The following THEMIS variants were observed in gnomAD, a reference collection of about 807,000 sequenced individuals.
THEMIS encodes the protein thymocyte selection associated.
In THEMIS, 37 loss-of-function variants were observed where a neutral mutation model predicts 52.6. The observed-to-expected ratio is 0.70, with a 90% CI of 0.54 to 0.93. THEMIS has a LOEUF of 0.93. Ranked by LOEUF, THEMIS falls within the 40% of genes least tolerant of loss-of-function variation. The pLI is 0.00. For synonymous variants in THEMIS, 292 were observed against 272.7 expected, an observed-to-expected ratio of 1.07 and a Z score of -0.70; for missense variants, 808 against 763.1, an observed-to-expected ratio of 1.06 and a Z score of -0.69.
At chr6:127,861,783 C>CAAAAAAAAAAA (rs1225783673) in intron 1 of THEMIS, among the ~76,000 whole-genome samples, 15 of 95,688 alleles carry the variant, frequency 1.6e-4, no homozygotes, top group African/African-American at 4.0e-4. Context: ...GACTCCATCT[C>CAAAAAAAAAAA]AAAAAAAAAA....
chr6:127,895,611 C>G (rs985727047), intron 1 of THEMIS, among the ~76,000 whole-genome samples: 6 of 151,448 alleles, frequency 4.0e-5, no homozygotes, highest in Non-Finnish European at 7.4e-5. Context: ...TATAGAGACA[C>G]TTTTTTAAAC....
chr6:127,910,401 A>G (rs909836953), intron 1 of THEMIS, among the ~76,000 whole-genome samples: 1 of 152,172 alleles, frequency 6.6e-6, no homozygotes. Flanking sequence ...AATTCTTGCT[A>G]TAAACAGTTA....
At chr6:127,795,537 C>T (rs578213261) in intron 4 of THEMIS, among the ~76,000 whole-genome samples, 1 of 152,214 alleles carries the variant, frequency 6.6e-6, no homozygotes, top group Admixed American at 6.5e-5. Context: ...ACCTTGTTAG[C>T]CAGGACGGTC....
chr6:127,723,930 C>G (rs962530399), intron 4 of THEMIS, among the ~76,000 whole-genome samples: 3 of 152,038 alleles, frequency 2.0e-5, no homozygotes, highest in African/African-American at 4.8e-5. Flanking sequence ...ATGCCCTGTT[C>G]ACTGTCTTGA....
the THEMIS span, among the ~76,000 whole-genome samples, chr6:127,702,822 A>T: frequency 6.6e-6 from 1 of 152,010 alleles, no homozygotes; most frequent in African/African-American, 2.4e-5. Context: ...GAGCTTGTGC[A>T]GGGAAACTCT....
At chr6:127,809,840 C>A (rs1332407059) in intron 4 of THEMIS, among the ~76,000 whole-genome samples, 2 of 149,950 alleles carry the variant, frequency 1.3e-5, no homozygotes, top group African/African-American at 4.9e-5. Context: ...TAACTAATAT[C>A]ATCTAGTATC....
chr6:127,760,643 G>C (rs932005515), intron 4 of THEMIS, among the ~76,000 whole-genome samples: 2 of 152,046 alleles, frequency 1.3e-5, no homozygotes, highest in African/African-American at 4.8e-5. Context: ...AACTAGCCAG[G>C]CATGGTGGTG....
chr6:127,749,029 T>A (rs750401813), intron 4 of THEMIS, among the ~76,000 whole-genome samples: 6 of 152,024 alleles, frequency 3.9e-5, no homozygotes, highest in Non-Finnish European at 7.4e-5. Context: ...AACTTTAAGG[T>A]CTCATTTAGT....
Position 127,813,082 on chromosome 6 carries a change from G to C in THEMIS, c.1559C>G (p.Ser520Cys), listed in dbSNP as rs368533847. The C allele has an allele frequency of 1.1e-5, 18 of 1,613,904 alleles. No individual in the cohort carries two copies. In the African/African-American group the frequency reaches 2.3e-4, roughly 20 times the overall value. Residue 520 changes from serine (S) to cysteine (C), a missense_variant, in exon 4 of 6, where the codon TCT becomes TGT. Physicochemically the swap from Ser to Cys is moderately radical, Grantham distance 112 (BLOSUM62 -1). Transcript: ENST00000368248. ...NMTVQLVSNF[S>C]RDAEPFLVRT... ...GACTAGAAATGGTTCTGCATCCCTA[G>C]AGAAATTACTAACTAACTGAACAGT...
chr6:127,896,807 G>A (rs1020958952), intron 1 of THEMIS, among the ~76,000 whole-genome samples: 9 of 151,370 alleles, frequency 5.9e-5, no homozygotes. Context: ...AGAAACCTAG[G>A]CATTTATATT....
At chr6:127,793,785 T>C (rs1777237688) in intron 4 of THEMIS, among the ~76,000 whole-genome samples, 1 of 152,204 alleles carries the variant, frequency 6.6e-6, no homozygotes, top group African/African-American at 2.4e-5. Context: ...AATATTTAAC[T>C]AGAAGAAATA....
chr6:127,835,951 G>T (rs1465968716), intron 2 of THEMIS, among the ~76,000 whole-genome samples: 2 of 152,160 alleles, frequency 1.3e-5, no homozygotes, highest in African/African-American at 4.8e-5. Flanking sequence ...ATTAGAGGGA[G>T]AATAAAAGAT....
intron 1 of THEMIS, among the ~76,000 whole-genome samples, chr6:127,886,337 A>T (rs996097690): frequency 2.0e-5 from 3 of 152,188 alleles, no homozygotes; most frequent in Non-Finnish European, 4.4e-5. Context: ...CAAAGATAAG[A>T]GAGAAAACTC....
At chr6:127,717,989 T>C (rs911962225) in intron 5 of THEMIS, among the ~76,000 whole-genome samples, 7 of 151,800 alleles carry the variant, frequency 4.6e-5, no homozygotes, top group African/African-American at 1.7e-4. Context: ...TACTACATAT[T>C]CCATGAGCTA....
chr6:127,916,941 G>A (rs75761109), intron 1 of THEMIS, among the ~76,000 whole-genome samples: 4,374 of 152,288 alleles, frequency 0.029, 228 homozygotes, highest in African/African-American at 0.1. Flanking sequence ...TATGTTAATG[G>A]ACAGTACACT....
intron 1 of THEMIS, among the ~76,000 whole-genome samples, chr6:127,899,851 G>T (rs1234988754): frequency 1.3e-5 from 2 of 149,186 alleles, no homozygotes; most frequent in Admixed American, 6.7e-5. Context: ...TGTACACTAA[G>T]CTGATAACAG....
chr6:127,796,695 G>A (rs1049894402), intron 4 of THEMIS, among the ~76,000 whole-genome samples: 2 of 152,120 alleles, frequency 1.3e-5, no homozygotes, highest in South Asian at 2.1e-4. Flanking sequence ...TTGCACATAC[G>A]TACACAGAAA....
chr6:127,725,117 A>G (rs1165180501), intron 4 of THEMIS, among the ~76,000 whole-genome samples: 11 of 152,026 alleles, frequency 7.2e-5, no homozygotes, highest in South Asian at 6.2e-4. Flanking sequence ...AAAAAAATCA[A>G]TCCTCTCCTG....
At chr6:127,882,154 G>T (rs1172826187) in intron 1 of THEMIS, among the ~76,000 whole-genome samples, 1 of 150,502 alleles carries the variant, frequency 6.6e-6, no homozygotes, top group Non-Finnish European at 1.5e-5. Context: ...TGATGTGAAA[G>T]TAGTACCTAT....
Sources: allele counts gnomAD v4.1 joint callset (sites outside exome capture counted in the v4.1 genomes callset), GRCh38; gene constraint gnomAD v4.1.1; transcripts MANE v1.5; gene names NCBI Gene and HGNC (gene_info 2026-07-23, HGNC 2026-07-21).